Variants in EYS observed in about 807,000 individuals in gnomAD.
The protein encoded by EYS is protein eyes shut homolog.
A neutral mutation model predicts 282.1 loss-of-function variants in EYS; 250 were observed. That is an observed-to-expected ratio of 0.89 (90% CI 0.80 to 0.98). EYS has a LOEUF of 0.98. Among genes scored for constraint, EYS ranks in the 50% least tolerant of loss-of-function variants. The pLI, the probability that EYS is intolerant of heterozygous loss-of-function variation, is 0.00. For synonymous variants in EYS, 1,355 were observed against 1,282.9 expected (o/e 1.06, Z -1.20); for missense variants, 4,016 against 3,709.0 (o/e 1.08, Z -2.15).
chr6:65,015,539 G>A (rs1308793091), intron 13 of EYS, among the ~76,000 whole-genome samples: 1 of 152,030 alleles, frequency 6.6e-6, no homozygotes, highest in Non-Finnish European at 1.5e-5. Context: ...TTTCTTAGTT[G>A]TATCTAAAAA....
In EYS at chr6:64,854,116, A is replaced by T. The variant is rs184107179; in HGVS notation, c.2993-31294T>A. ...CAGGAAACAACAGGTGCTGGAGAGGATGTGGAGAAATAGGAACACTTTTAC... is the reference window on the plus strand; with the variant it reads ...CAGGAAACAACAGGTGCTGGAGAGGTTGTGGAGAAATAGGAACACTTTTAC... On this transcript the variant is annotated intron_variant, in intron 19 of 42. Coordinates refer to ENST00000503581, the MANE Select transcript of EYS (RefSeq NM_001142800.2). Among the ~76,000 whole-genome samples, 149 of 152,134 alleles carry T rather than the reference A, an allele frequency of 9.8e-4. 1 individual carries two copies. The highest frequency in any genetic ancestry group is 3.1e-3 in the South Asian group (15 of 4,808).
In EYS at chr6:64,040,407, CT is replaced by C. The variant is rs1193574548; in HGVS notation, c.6725+25930del. On this transcript the variant is annotated intron_variant, in intron 33 of 42. Transcript: ENST00000503581. ...ATTATGTGTATTTGATAACTCATTG[CT>C]TCTGAAAATAATCAATCTTGTGAAA... Among the ~76,000 whole-genome samples the C allele has an allele frequency of 5.9e-5, 9 of 152,066 alleles. No individual in the cohort carries two copies. In the East Asian group the frequency reaches 1.7e-3, roughly 29 times the overall value.
chr6:64,674,351 G>A (rs1769575737), intron 22 of EYS, among the ~76,000 whole-genome samples: 3 of 151,836 alleles, frequency 2.0e-5, no homozygotes, highest in Non-Finnish European at 4.4e-5. Context: ...ATTTCAATTT[G>A]GCAAAGTGTG....
intron 22 of EYS, among the ~76,000 whole-genome samples, chr6:64,739,804 G>T (rs144118100): frequency 1.4e-4 from 22 of 152,072 alleles, no homozygotes; most frequent in Admixed American, 1.4e-3. Context: ...TAAATGTTAG[G>T]GTCCTAGAAT....
rs184493099 is a variant in EYS, at chr6:65,014,497, G to A, written c.2138-16794C>T. 2.4e-3 allele frequency among the ~76,000 whole-genome samples: 361 copies of A among 152,258 alleles called. 3 individuals carry two copies. Among genetic ancestry groups the A allele is most frequent in the South Asian group, 5.2e-3 (25 of 4,818 alleles). Reference sequence around the variant, plus strand: ...CTACTGAACAGGTGATATTTGGAGTGAGCCCTAAGGAATCATCACACATTA... The same window carrying A: ...CTACTGAACAGGTGATATTTGGAGTAAGCCCTAAGGAATCATCACACATTA... On this transcript the variant is annotated intron_variant, in intron 13 of 42. Coordinates refer to ENST00000503581, the MANE Select transcript of EYS (RefSeq NM_001142800.2).
intron 7 of EYS, among the ~76,000 whole-genome samples, chr6:65,397,906 T>G (rs1021613013): frequency 5.9e-5 from 9 of 152,100 alleles, no homozygotes; most frequent in African/African-American, 2.2e-4. Context: ...CTCTGCATCC[T>G]TGCCAACATC....
intron 26 of EYS, among the ~76,000 whole-genome samples, chr6:64,554,956 A>C (rs1765193019): frequency 1.3e-5 from 2 of 151,976 alleles, no homozygotes; most frequent in Non-Finnish European, 2.9e-5. Flanking sequence ...TTATAAAAAT[A>C]TGGAAATTCC....
intron 5 of EYS, among the ~76,000 whole-genome samples, chr6:65,422,861 T>C (rs1393266251): frequency 6.6e-6 from 1 of 151,764 alleles, no homozygotes; most frequent in Non-Finnish European, 1.5e-5. Context: ...TGTTTATGTG[T>C]ACATCCTACA....
intron 4 of EYS, among the ~76,000 whole-genome samples, chr6:65,493,653 C>T (rs1766128635): frequency 6.6e-6 from 1 of 152,136 alleles, no homozygotes; most frequent in Non-Finnish European, 1.5e-5. Flanking sequence ...TCAAACTTCA[C>T]GTTAGCCTCA....
At chr6:65,299,937 A>C (rs2150289064) in intron 11 of EYS, among the ~76,000 whole-genome samples, 1 of 152,278 alleles carries the variant, frequency 6.6e-6, no homozygotes, top group Middle Eastern at 3.4e-3. Flanking sequence ...TTCTCCCAAT[A>C]TAAAATTAGG....
At chr6:65,421,906 C>T (rs942769906) in intron 5 of EYS, among the ~76,000 whole-genome samples, 2 of 151,768 alleles carry the variant, frequency 1.3e-5, no homozygotes, top group Non-Finnish European at 2.9e-5. Flanking sequence ...AAAGCAATTA[C>T]AATAGTAACA....
intron 41 of EYS, among the ~76,000 whole-genome samples, chr6:63,731,444 C>T (rs1479274620): frequency 6.6e-6 from 1 of 151,960 alleles, no homozygotes; most frequent in Non-Finnish European, 1.5e-5. Flanking sequence ...GCAAGTATAT[C>T]CTCATATTTG....
At chr6:65,448,906 T>G (rs1351726644) in intron 5 of EYS, among the ~76,000 whole-genome samples, 1 of 152,102 alleles carries the variant, frequency 6.6e-6, no homozygotes, top group African/African-American at 2.4e-5. Flanking sequence ...GTATGATTCT[T>G]TTCAACATGA....
At chr6:64,518,548 A>G (rs56310524) in intron 26 of EYS, among the ~76,000 whole-genome samples, 7,836 of 151,908 alleles carry the variant, frequency 0.052, 684 homozygotes, top group African/African-American at 0.18. Context: ...ATCCTTAAAA[A>G]TAGTCTTTAG....
chr6:64,256,926 A>G (rs756790262), intron 30 of EYS, among the ~76,000 whole-genome samples: 3 of 152,172 alleles, frequency 2.0e-5, no homozygotes, highest in Admixed American at 6.6e-5. Flanking sequence ...GTAATTCCCA[A>G]TGCTATTTCT....
chr6:65,656,831 G>A (rs1767847533), intron 1 of EYS, among the ~76,000 whole-genome samples: 2 of 151,932 alleles, frequency 1.3e-5, no homozygotes, highest in South Asian at 4.1e-4. Flanking sequence ...AGTTTAATAT[G>A]AGAAGAATAT....
At chr6:64,631,753 T>A (rs1767790904) in intron 22 of EYS, 1 of 152,058 alleles carries the variant, frequency 6.6e-6, no homozygotes, top group African/African-American at 2.4e-5. Context: ...AACAAATGTG[T>A]CTGGTATCAT....
intron 33 of EYS, among the ~76,000 whole-genome samples, chr6:64,024,591 T>A (rs946306622): frequency 6.6e-6 from 1 of 152,084 alleles, no homozygotes; most frequent in Non-Finnish European, 1.5e-5. Flanking sequence ...TTGCAATGAA[T>A]CTTGCTGCTC....
intron 13 of EYS, among the ~76,000 whole-genome samples, chr6:65,043,521 T>G (rs974550852): frequency 6.6e-6 from 1 of 151,508 alleles, no homozygotes; most frequent in Non-Finnish European, 1.5e-5. Context: ...TTTGTACCCT[T>G]TTATCAACAA....
Sources: allele counts gnomAD v4.1 joint callset (sites outside exome capture counted in the v4.1 genomes callset), GRCh38; gene constraint gnomAD v4.1.1; transcripts MANE v1.5; gene names NCBI Gene and HGNC (gene_info 2026-07-23, HGNC 2026-07-21).